ANKRD28: variants seen among roughly 807,000 people sequenced by gnomAD.
The protein encoded by ANKRD28 is serine/threonine-protein phosphatase 6 regulatory ankyrin repeat subunit A.
A neutral mutation model predicts 126.5 loss-of-function variants in ANKRD28; 44 were observed. That is an observed-to-expected ratio of 0.35 (90% CI 0.27 to 0.45). The LOEUF (loss-of-function observed/expected upper bound fraction) is 0.45, where lower values mean the gene tolerates loss of function less well. Among genes scored for constraint, ANKRD28 ranks in the 20% least tolerant of loss-of-function variants. The pLI, the probability that ANKRD28 is intolerant of heterozygous loss-of-function variation, is 1.00. For synonymous variants in ANKRD28, 442 were observed against 468.5 expected, an observed-to-expected ratio of 0.94 and a Z score of 0.73; for missense variants, 1,110 against 1,316.6, an observed-to-expected ratio of 0.84 and a Z score of 2.43.
At position 15,795,171 on chromosome 3, in the gene ANKRD28, G is replaced by T. The variant is rs150486496; in HGVS notation, c.201+52C>A. On this transcript the variant is annotated intron_variant, in intron 2 of 27. Coordinates refer to ENST00000683139, the MANE Select transcript of ANKRD28 (RefSeq NM_001349278.2). ...AAACAAAAATCACAATTCTAGGAAA[G>T]AATTTTAAAAAGCAGTTTTAAAGGC... The T allele has an allele frequency of 1.6e-3, 1,964 of 1,250,176 alleles. 6 individuals carry two copies. The highest frequency in any genetic ancestry group is 1.6e-3 in the Non-Finnish European group (1,396 of 854,146). 77.4% of individuals were successfully genotyped at this position (1,250,176 alleles called of 1,614,324 possible).
intron 2 of ANKRD28, among the ~76,000 whole-genome samples, chr3:15,782,837 T>C (rs762372779): frequency 2.0e-5 from 3 of 152,090 alleles, no homozygotes; most frequent in Non-Finnish European, 4.4e-5. Context: ...AGACAAACTT[T>C]CTCTTCATTC....
intron 1 of ANKRD28, among the ~76,000 whole-genome samples, chr3:15,803,347 G>A (rs112874078): frequency 3.1e-4 from 47 of 152,176 alleles, no homozygotes; most frequent in Admixed American, 2.6e-4. Context: ...GGCCGTGCAC[G>A]GTGGCTCACA....
chr3:15,670,854 G>A (rs972948715), intron 27 of ANKRD28, among the ~76,000 whole-genome samples: 6 of 152,114 alleles, frequency 3.9e-5, no homozygotes, highest in African/African-American at 1.4e-4. Flanking sequence ...AGAAAAAACT[G>A]GGCTAGAATA....
chr3:15,728,410 C>T (rs1355251680), intron 6 of ANKRD28, among the ~76,000 whole-genome samples: 1 of 152,184 alleles, frequency 6.6e-6, no homozygotes, highest in East Asian at 1.9e-4. Flanking sequence ...CCTCCCACCT[C>T]AGCCTTCTGA....
chr3:15,818,587 A>C (rs1437667868), intron 1 of ANKRD28, among the ~76,000 whole-genome samples: 1 of 152,220 alleles, frequency 6.6e-6, no homozygotes, highest in African/African-American at 2.4e-5. Context: ...TTAACTGATA[A>C]ATTAGGTAAA....
chr3:15,849,414 T>A (rs980950917), intron 1 of ANKRD28, among the ~76,000 whole-genome samples: 1 of 152,222 alleles, frequency 6.6e-6, no homozygotes, highest in African/African-American at 2.4e-5. Context: ...GAGTGAAGGA[T>A]CTGTCATTCC....
In ANKRD28 at chr3:15,835,064, CTT is replaced by C. The variant is rs561418125; in HGVS notation, c.27+24311_27+24312del. 2.6e-5 allele frequency among the ~76,000 whole-genome samples: 4 copies of C among 152,258 alleles called. No homozygotes were observed. The East Asian group carries it at 7.7e-4, about 29-fold the overall frequency. ...TCGGGAGGCTGAGGCATGAGAATCT[CTT>C]TAACTTGGGAGATGGAGGTTGCAGT... is the stretch of plus-strand genomic sequence containing the variant. On this transcript the variant is annotated intron_variant, in intron 1 of 27. Coordinates refer to the ANKRD28 transcript ENST00000399451.
chr3:15,784,601 G>GACCAATAGGAACAAAA (rs146712725), intron 2 of ANKRD28, among the ~76,000 whole-genome samples: 103,571 of 151,412 alleles, frequency 0.68, 35,798 homozygotes, highest in East Asian at 0.93. Flanking sequence ...AAGAATGGAC[G>GACCAATAGGAACAAAA]ACCAATGGTA....
In ANKRD28 at chr3:15,804,254, G is replaced by C. The variant is rs187977154; in HGVS notation, c.28-8948C>G. On this transcript the variant is annotated intron_variant, in intron 1 of 27. Coordinates refer to the ANKRD28 transcript ENST00000399451. Reference sequence around the variant, plus strand: ...ACAGTAAAAGACAGTATATACTGAAGGCCGAGATATAGACTATACCTGCTA... The same window carrying C: ...ACAGTAAAAGACAGTATATACTGAACGCCGAGATATAGACTATACCTGCTA... 7.4e-4 allele frequency among the ~76,000 whole-genome samples: 108 copies of C among 145,156 alleles called. 17 individuals are homozygous for C. Among genetic ancestry groups the C allele is most frequent in the Admixed American group, 6.8e-3 (100 of 14,676 alleles).
intron 1 of ANKRD28, among the ~76,000 whole-genome samples, chr3:15,826,862 A>T (rs1460265177): frequency 1.3e-5 from 2 of 152,176 alleles, no homozygotes; most frequent in Non-Finnish European, 2.9e-5. Flanking sequence ...CAAGGGAGAG[A>T]TCAATATTAC....
chr3:15,758,126 A>G (rs2058266216), intron 3 of ANKRD28, among the ~76,000 whole-genome samples: 1 of 152,218 alleles, frequency 6.6e-6, no homozygotes, highest in South Asian at 2.1e-4. Flanking sequence ...ATAGTCTCAC[A>G]AATCATTTTC....
intron 2 of ANKRD28, among the ~76,000 whole-genome samples, chr3:15,793,930 C>T (rs534364465): frequency 2.0e-5 from 3 of 152,174 alleles, no homozygotes; most frequent in African/African-American, 4.8e-5. Flanking sequence ...ATTAATCGGG[C>T]GTGGTGGCAG....
chr3:15,783,431 A>G (rs2059627262), intron 2 of ANKRD28, among the ~76,000 whole-genome samples: 1 of 152,054 alleles, frequency 6.6e-6, no homozygotes, highest in Non-Finnish European at 1.5e-5. Flanking sequence ...GTGAGAACGT[A>G]AAATGATACA....
At chr3:15,724,629 T>C (rs913201789) in intron 6 of ANKRD28, 105 bp from the exon 7 acceptor site, 1 of 1,038,534 alleles carries the variant, frequency 9.6e-7, no homozygotes, top group Non-Finnish European at 1.4e-6. Context: ...AAATAGATGA[T>C]GCATGACAAG....
Position 15,712,166 on chromosome 3 carries a change from T to C in ANKRD28, c.1247A>G (p.Asp416Gly), listed in dbSNP as rs777254686. ...LHLAALSGFS[D>G]CCRKLLSSGF... ...TGAAGAAAGAAGTTTTCTGCAGCAATCTGAAAAGCCGCTTAAGGCTGCCAA... is the reference window on the plus strand; with the variant it reads ...TGAAGAAAGAAGTTTTCTGCAGCAACCTGAAAAGCCGCTTAAGGCTGCCAA... Residue 416 changes from aspartate (D) to glycine (G), a missense_variant, in exon 11 of 28, where the codon GAT becomes GGT. Coordinates refer to ENST00000683139, the MANE Select transcript of ANKRD28 (RefSeq NM_001349278.2). The C allele has an allele frequency of 5.7e-6, 9 of 1,583,324 alleles. No homozygotes were observed. The highest frequency in any genetic ancestry group is 7.7e-6 in the Non-Finnish European group (9 of 1,164,326).
In ANKRD28 at chr3:15,792,365, C is replaced by T. The variant is rs1427845995; in HGVS notation, c.201+2858G>A. The stretch of plus-strand genomic sequence containing the variant: ...GGATAATGAAAATGTGGTACATACA[C>T]ACAATGGAGTACTCGTCAGCCATAA... On this transcript the variant is annotated intron_variant, in intron 2 of 27. Transcript: ENST00000683139. 4.6e-5 allele frequency among the ~76,000 whole-genome samples: 7 copies of T among 152,250 alleles called. No individual in the cohort carries two copies. In the East Asian group the frequency reaches 1.3e-3, roughly 29 times the overall value.
rs1245430213 is a variant in ANKRD28 at position 15,796,441 on chromosome 3, A to G, written c.81T>C (p.Asn27=). ...CAGAAGGTGGAGAATGTAGGGATTTATTTTCCTGTGGCAATTTAGAAATGA... is the reference window on the plus strand; with the variant it reads ...CAGAAGGTGGAGAATGTAGGGATTTGTTTTCCTGTGGCAATTTAGAAATGA... The part of the protein sequence containing the change: ...PAFISKLPQE[N]KSLHSPPSGN... The change falls in exon 1 of 28, where the codon AAT becomes AAC. Residue 27 remains asparagine, a synonymous_variant. Transcript: ENST00000683139. 7.8e-7 allele frequency: 1 copy of G among 1,288,206 alleles called. No homozygotes were observed. Among genetic ancestry groups the G allele is most frequent in the Non-Finnish European group, 1.0e-6 (1 of 987,924 alleles). The allele number at this position is 1,288,206 out of a possible 1,614,324, so 79.8% of individuals were successfully genotyped here.
chr3:15,750,375 G>A (rs1302653726), intron 4 of ANKRD28, among the ~76,000 whole-genome samples: 3 of 152,140 alleles, frequency 2.0e-5, no homozygotes, highest in Non-Finnish European at 4.4e-5. Flanking sequence ...AGAATTCAAA[G>A]TATTTTGGCT....
chr3:15,745,619 G>C (rs920598066), intron 4 of ANKRD28, among the ~76,000 whole-genome samples: 1 of 152,104 alleles, frequency 6.6e-6, no homozygotes, highest in Non-Finnish European at 1.5e-5. Context: ...TGGCCTTATA[G>C]CATAGTTTGA....
Sources: allele counts gnomAD v4.1 joint callset (sites outside exome capture counted in the v4.1 genomes callset), GRCh38; gene constraint gnomAD v4.1.1; transcripts MANE v1.5; gene names NCBI Gene and HGNC (gene_info 2026-07-23, HGNC 2026-07-21).